PCDHGB5: variants seen among roughly 807,000 people sequenced by gnomAD.
The protein encoded by PCDHGB5 is protocadherin gamma subfamily B, 5, also known as protocadherin gamma-B5.
In PCDHGB5, 48 loss-of-function variants were observed where a neutral mutation model predicts 62.9. The ratio of observed to expected loss-of-function variants is 0.76; its 90% CI spans 0.61 to 0.97. The LOEUF (loss-of-function observed/expected upper bound fraction) is 0.97, where lower values mean the gene tolerates loss of function less well. Among genes scored for constraint, PCDHGB5 ranks in the 50% least tolerant of loss-of-function variants. The pLI is 0.00. For synonymous variants in PCDHGB5, 474 were observed against 511.2 expected (o/e 0.93, Z 0.98); for missense variants, 1,118 against 1,198.6 (o/e 0.93, Z 0.99).
chr5:141,438,895 A>C (rs2098073582), intron 1 of PCDHGB5, among the ~76,000 whole-genome samples: 1 of 151,640 alleles, frequency 6.6e-6, no homozygotes, highest in Non-Finnish European at 1.5e-5. Flanking sequence ...TGAACTCCTG[A>C]CCTCAGGTGA....
At chr5:141,409,334 G>A (rs767579166) in intron 1 of PCDHGB5, 1 of 1,613,974 alleles carries the variant, frequency 6.2e-7, no homozygotes, top group South Asian at 1.1e-5. Flanking sequence ...GGATTTCGGA[G>A]GAAATGGAGA....
At chr5:141,423,841 T>A (rs1413277726) in intron 1 of PCDHGB5, 15 of 1,282,014 alleles carry the variant, frequency 1.2e-5, no homozygotes, top group Non-Finnish European at 1.4e-5. Context: ...ATTACGATAA[T>A]CTTTCAGAAC....
chr5:141,435,979 C>T (rs1036607924), intron 1 of PCDHGB5, among the ~76,000 whole-genome samples: 4 of 152,008 alleles, frequency 2.6e-5, no homozygotes, highest in Non-Finnish European at 5.9e-5. Flanking sequence ...TGTGGTTCTA[C>T]TTGTGTGATT....
chr5:141,483,869 G>A (rs2099587910), intron 1 of PCDHGB5, among the ~76,000 whole-genome samples: 1 of 152,126 alleles, frequency 6.6e-6, no homozygotes, highest in South Asian at 2.1e-4. Flanking sequence ...GTCCAGATCA[G>A]GATGGATTTT....
chr5:141,460,455 A>AT (rs2098989699), intron 1 of PCDHGB5, among the ~76,000 whole-genome samples: 1 of 152,080 alleles, frequency 6.6e-6, no homozygotes, highest in Non-Finnish European at 1.5e-5. Flanking sequence ...GAAGATTCAT[A>AT]TTTTTTTCCA....
chr5:141,410,569 T>C (rs908906606), intron 1 of PCDHGB5: 1 of 1,612,242 alleles, frequency 6.2e-7, no homozygotes, highest in African/African-American at 1.3e-5. Context: ...GAGCCTTAAT[T>C]CCACCTCATG....
rs1554116873 is a variant in PCDHGB5 at position 141,423,758 on chromosome 5, G to GT, written c.2397+23234_2397+23235insT. On this transcript the variant is annotated intron_variant, in intron 1 of 3. Coordinates refer to ENST00000617380, the MANE Select transcript of PCDHGB5 (RefSeq NM_018925.3). Reference sequence around the variant, plus strand: ...CTGTTATGAAAACTGTTTGGGGGGGGGGTGGGGCGGCATATATTTAGTTCA... The same window carrying GT: ...CTGTTATGAAAACTGTTTGGGGGGGGTGGTGGGGCGGCATATATTTAGTTCA... 14 of 366,842 alleles carry GT rather than the reference G, an allele frequency of 3.8e-5. 1 individual carries two copies. The highest frequency in any genetic ancestry group is 5.4e-5 in the Non-Finnish European group (14 of 259,742). The allele number at this position is 366,842 out of a possible 1,614,324, so 22.7% of individuals were successfully genotyped here. A position where few individuals can be genotyped will look rare whatever the true frequency, so the allele number is the denominator to read the frequency against.
chr5:141,427,930 T>C, intron 1 of PCDHGB5: 2 of 1,583,398 alleles, frequency 1.3e-6, no homozygotes. Flanking sequence ...CGGCGCATGT[T>C]GGTGGGCGAC....
Position 141,406,431 on chromosome 5 carries a change from T to A in PCDHGB5, c.2397+5907T>A, listed in dbSNP as rs1316370664. 2.0e-5 allele frequency among the ~76,000 whole-genome samples: 3 copies of A among 152,352 alleles called. No individual in the cohort carries two copies. In the South Asian group the frequency reaches 6.2e-4, roughly 32 times the overall value. ...CAGCTGAAAGCCCAGATTTATTGCT[T>A]CTATTCTTCCATTTCTATGACAGGA... On this transcript the variant is annotated intron_variant, in intron 1 of 3. Coordinates refer to ENST00000617380, the MANE Select transcript of PCDHGB5 (RefSeq NM_018925.3).
In PCDHGB5 at chr5:141,399,774, C is replaced by T. The variant is rs758550367; in HGVS notation, c.1647C>T (p.Gly549=). The T allele has an allele frequency of 1.5e-5, 24 of 1,613,116 alleles. No homozygotes were observed. In the South Asian group the frequency reaches 2.4e-4, roughly 16 times the overall value. Residue 549 remains glycine, a synonymous_variant, in exon 1 of 4, where the codon GGC becomes GGT. Transcript: ENST00000617380. Reference sequence around the variant, plus strand: ...ACGTGAGCCTGCGCGTGTTGGTGGGCGACCGAAACGACAACGCACCGCGGG... The same window carrying T: ...ACGTGAGCCTGCGCGTGTTGGTGGGTGACCGAAACGACAACGCACCGCGGG... ...SANVSLRVLV[G]DRNDNAPRVL...
Position 141,489,805 on chromosome 5 carries a change from A to T in PCDHGB5, c.2398-5002A>T. On this transcript the variant is annotated intron_variant, in intron 1 of 3. Transcript: ENST00000617380. The surrounding 1 kb of genome is among the most constrained non-coding windows in gnomAD (Gnocchi z 4.5). ...GAATGTGAAGACCCTAAAAGATGGG[A>T]AGCCATTCCCAGAGCTGGTGCTAGA... 1 of 1,614,166 alleles carries T rather than the reference A, an allele frequency of 6.2e-7. No individual in the cohort carries two copies. Among genetic ancestry groups the T allele is most frequent in the Non-Finnish European group, 8.5e-7 (1 of 1,180,012 alleles).
intron 3 of PCDHGB5, among the ~76,000 whole-genome samples, chr5:141,508,855 C>T (rs2099872444): frequency 6.6e-6 from 1 of 152,020 alleles, no homozygotes; most frequent in Non-Finnish European, 1.5e-5. Flanking sequence ...CATTCCCAGG[C>T]TGGGAAAGGC....
chr5:141,484,002 A>T, intron 1 of PCDHGB5, among the ~76,000 whole-genome samples: 1 of 25,484 alleles, frequency 3.9e-5, no homozygotes, highest in African/African-American at 1.7e-4. Context: ...GGAGGTCTGG[A>T]TGAGGGTGGG....
At chr5:141,478,395 T>C in intron 1 of PCDHGB5, 1 of 1,613,510 alleles carries the variant, frequency 6.2e-7, no homozygotes, top group Non-Finnish European at 8.5e-7. Flanking sequence ...TACCATCAGG[T>C]GTATCTCACC....
chr5:141,415,901 C>A, intron 1 of PCDHGB5: 1 of 847,932 alleles, frequency 1.2e-6, no homozygotes, highest in Non-Finnish European at 1.6e-6. Context: ...CTAAGACAGA[C>A]TTCCATACAG....
At chr5:141,415,966 C>A in intron 1 of PCDHGB5, 1 of 405,602 alleles carries the variant, frequency 2.5e-6, no homozygotes, top group East Asian at 5.2e-5. Context: ...AAACTCCAGC[C>A]CCTTAAGCAA....
chr5:141,431,839 T>A lies in PCDHGB5; in HGVS notation c.2397+31315T>A. The A allele has an allele frequency of 1.2e-6, 2 of 1,614,198 alleles. No individual in the cohort carries two copies. The highest frequency in any genetic ancestry group is 1.7e-6 in the Non-Finnish European group (2 of 1,180,028). The stretch of plus-strand genomic sequence containing the variant: ...TCGCCAGCTCGGTTCCCGAAAACTC[T>A]CCCAGAGGGACATTAATTGCCCTTT... On this transcript the variant is annotated intron_variant, in intron 1 of 3. Coordinates refer to ENST00000617380, the MANE Select transcript of PCDHGB5 (RefSeq NM_018925.3). This position sits in a 1 kb window ranked among gnomAD's most constrained non-coding sequence, Gnocchi z 4.8.
chr5:141,431,968 T>G lies in PCDHGB5; in HGVS notation c.2397+31444T>G, dbSNP rs571981127. 6.2e-7 allele frequency: 1 copy of G among 1,614,190 alleles called. No individual in the cohort carries two copies. Among genetic ancestry groups the G allele is most frequent in the Admixed American group, 1.7e-5 (1 of 60,024 alleles). On this transcript the variant is annotated intron_variant, in intron 1 of 3. Coordinates refer to ENST00000617380, the MANE Select transcript of PCDHGB5 (RefSeq NM_018925.3). The surrounding 1 kb of genome is among the most constrained non-coding windows in gnomAD (Gnocchi z 4.8). ...AAAAATCTTACGGAAATTACTATAGTTTAGTCACAGACATAGTCTTGGATA... is the reference window on the plus strand; with the variant it reads ...AAAAATCTTACGGAAATTACTATAGGTTAGTCACAGACATAGTCTTGGATA...
chr5:141,431,976 C>T lies in PCDHGB5; in HGVS notation c.2397+31452C>T, dbSNP rs2097433306. ...TACGGAAATTACTATAGTTTAGTCACAGACATAGTCTTGGATAGGGAACAG... is the reference window on the plus strand; with the variant it reads ...TACGGAAATTACTATAGTTTAGTCATAGACATAGTCTTGGATAGGGAACAG... On this transcript the variant is annotated intron_variant, in intron 1 of 3. Transcript: ENST00000617380. This position sits in a 1 kb window ranked among gnomAD's most constrained non-coding sequence, Gnocchi z 4.8. 6.2e-7 allele frequency: 1 copy of T among 1,614,078 alleles called. No individual in the cohort carries two copies. The highest frequency in any genetic ancestry group is 1.3e-5 in the African/African-American group (1 of 74,934).
Sources: gnomAD v4.1 joint callset for allele counts (sites outside exome capture counted in the v4.1 genomes callset) on GRCh38, gnomAD v4.1.1 for gene constraint, Gnocchi (gnomAD v3.1) non-coding constraint, MANE v1.5 for transcripts, NCBI Gene and HGNC (gene_info 2026-07-23, HGNC 2026-07-21) for gene names.